The following LRRC7 variants were observed in gnomAD, a reference collection of about 807,000 sequenced individuals.
LRRC7 encodes leucine-rich repeat-containing protein 7.
Under a neutral mutation model 175.7 loss-of-function variants are expected in LRRC7, and 23 were observed. The observed-to-expected ratio is 0.13, with a 90% confidence interval of 0.09 to 0.19. The LOEUF is 0.19. Among genes scored for constraint, LRRC7 ranks in the 10% least tolerant of loss-of-function variants. LRRC7 has a pLI of 1.00. For missense variants in LRRC7, 1,354 were observed against 1,904.7 expected (o/e 0.71, Z 5.38); for synonymous variants, 685 against 680.9 (o/e 1.01, Z -0.09).
intron 1 of LRRC7, among the ~76,000 whole-genome samples, chr1:69,591,792 C>T (rs1027116630): frequency 6.6e-6 from 1 of 151,918 alleles, no homozygotes; most frequent in African/African-American, 2.4e-5. Flanking sequence ...ATTTTTTATT[C>T]TTATTAATGA....
At chr1:69,835,065 A>G (rs1213225788) in intron 6 of LRRC7, among the ~76,000 whole-genome samples, 196 bp downstream of exon 6, 1 of 151,972 alleles carries the variant, frequency 6.6e-6, no homozygotes, top group Non-Finnish European at 1.5e-5. Context: ...CATGACATTA[A>G]TAGTCAAATA....
At position 69,759,450 on chromosome 1, in the gene LRRC7, C is replaced by A. The variant is rs553858477; in HGVS notation, c.101-741C>A. Reference sequence around the variant, plus strand: ...ATTTCATGGCATTTGGTCAGTTTAACCTAGAGGAATAGGAGAAAGATGTGT... The same window carrying A: ...ATTTCATGGCATTTGGTCAGTTTAAACTAGAGGAATAGGAGAAAGATGTGT... On this transcript the variant is annotated intron_variant, in intron 2 of 26. Coordinates refer to ENST00000651989, the MANE Select transcript of LRRC7 (RefSeq NM_001370785.2). Among the ~76,000 whole-genome samples, 7 of 151,810 alleles carry A rather than the reference C, an allele frequency of 4.6e-5. No individual in the cohort carries two copies. The South Asian group carries it at 6.2e-4, about 13-fold the overall frequency.
At chr1:69,701,370 G>A (rs1023836467) in intron 2 of LRRC7, among the ~76,000 whole-genome samples, 9 of 152,036 alleles carry the variant, frequency 5.9e-5, no homozygotes, top group South Asian at 2.1e-4. Context: ...GTGGAAACAC[G>A]GACTGTGATC....
chr1:70,011,610 ATATT>A (rs1481838371), intron 11 of LRRC7, among the ~76,000 whole-genome samples, 183 bp from the exon 12 acceptor site: 1 of 152,184 alleles, frequency 6.6e-6, no homozygotes, highest in Non-Finnish European at 1.5e-5. Context: ...AAAGTAAACT[ATATT>A]TATTTTACCA....
At chr1:69,914,366 A>T (rs572681150) in intron 7 of LRRC7, among the ~76,000 whole-genome samples, 1 of 152,324 alleles carries the variant, frequency 6.6e-6, no homozygotes, top group South Asian at 2.1e-4. Context: ...TGACAGATGT[A>T]CCAAAATATT....
chr1:69,781,765 GAAAGAA>G (rs1205215919), intron 3 of LRRC7, among the ~76,000 whole-genome samples: 2 of 38,510 alleles, frequency 5.2e-5, no homozygotes, highest in African/African-American at 1.4e-4. Context: ...GAGAGAGAGA[GAAAGAA>G]AGAAAGAAAG....
intron 1 of LRRC7, among the ~76,000 whole-genome samples, chr1:69,627,795 G>A (rs1651839245): frequency 6.6e-6 from 1 of 151,774 alleles, no homozygotes; most frequent in African/African-American, 2.4e-5. Context: ...TGTTGTATAT[G>A]TTTTGGTTTC....
intron 1 of LRRC7, among the ~76,000 whole-genome samples, chr1:69,670,603 T>A (rs941095386): frequency 1.3e-5 from 2 of 152,154 alleles, no homozygotes; most frequent in East Asian, 3.9e-4. Flanking sequence ...TGGTGGCAAG[T>A]TCCCCCTGGC....
In LRRC7 at chr1:70,124,933, A is replaced by G. The variant is rs1666379635; in HGVS notation, c.*3046A>G. ...GAGAAACATTAGAGGTAGAAAGAGC[A>G]AGTGATGAAAATTACTAGTAAAATT... is the stretch of plus-strand genomic sequence containing the variant. On this transcript the variant is annotated 3_prime_UTR_variant, in exon 27 of 27. Transcript: ENST00000651989. 6.6e-6 allele frequency among the ~76,000 whole-genome samples: 1 copy of G among 152,220 alleles called. No homozygotes were observed. The highest frequency in any genetic ancestry group is 2.4e-5 in the African/African-American group (1 of 41,450).
chr1:69,746,596 A>G (rs1452912363), intron 2 of LRRC7, among the ~76,000 whole-genome samples: 7 of 152,134 alleles, frequency 4.6e-5, no homozygotes, highest in Non-Finnish European at 5.9e-5. Context: ...TTATCTGTAC[A>G]AAACAGAATT....
intron 23 of LRRC7, among the ~76,000 whole-genome samples, chr1:70,059,274 T>C (rs1571205641): frequency 1.3e-5 from 2 of 152,286 alleles, no homozygotes; most frequent in East Asian, 3.9e-4. Flanking sequence ...AGGGTCAATA[T>C]CAGGATGGAC....
In LRRC7 at chr1:70,076,213, C is replaced by A; in HGVS notation, c.4367C>A (p.Ser1456Tyr). 1 of 1,614,100 alleles carries A rather than the reference C, an allele frequency of 6.2e-7. No individual in the cohort carries two copies. The change falls in exon 24 of 27, where the codon TCT (serine) becomes TAT (tyrosine). Residue 1456 changes from serine to tyrosine, a missense_variant. Ser to Tyr is a moderately radical substitution (Grantham distance 144). Around this residue, in one of 4 missense-constraint regions of LRRC7, gnomAD observed 1,032 missense variants for 1,227.2 expected, o/e 0.84. Transcript: ENST00000651989. ...FQSPLPIQIP[S>Y]SQATRGPQPG... Reference sequence around the variant, plus strand: ...TCACCATTGCCTATTCAGATCCCCTCTTCACAGGCCACCCGGGGACCTCAG... The same window carrying A: ...TCACCATTGCCTATTCAGATCCCCTATTCACAGGCCACCCGGGGACCTCAG...
chr1:69,610,473 T>C (rs963450467), intron 1 of LRRC7, among the ~76,000 whole-genome samples: 1 of 152,050 alleles, frequency 6.6e-6, no homozygotes, highest in Non-Finnish European at 1.5e-5. Flanking sequence ...CCCCTTAGCC[T>C]GAAATTGATG....
chr1:70,013,187 A>T lies in LRRC7; in HGVS notation c.1250+98A>T, dbSNP rs542487176. 6 of 610,842 alleles carry T rather than the reference A, an allele frequency of 9.8e-6. No homozygotes were observed. In the South Asian group the frequency reaches 1.4e-4, roughly 14 times the overall value. 37.8% of individuals were successfully genotyped at this position (610,842 alleles called of 1,614,324 possible). A position where few individuals can be genotyped will look rare whatever the true frequency, so the allele number is the denominator to read the frequency against. On this transcript the variant is annotated intron_variant, in intron 13 of 26. Transcript: ENST00000651989. Reference sequence around the variant, plus strand: ...TTTTGATAACATTTTCTGCGTTTCGACATATACGGAATGCAAATACTGATA... The same window carrying T: ...TTTTGATAACATTTTCTGCGTTTCGTCATATACGGAATGCAAATACTGATA...
At chr1:69,931,688 A>C in intron 8 of LRRC7, 118 bp downstream of exon 8, 1 of 804,462 alleles carries the variant, frequency 1.2e-6, no homozygotes, top group Non-Finnish European at 2.0e-6. Flanking sequence ...TAAATGTAAA[A>C]GTAAAAACCT....
At chr1:69,976,505 A>G (rs1423189650) in intron 8 of LRRC7, among the ~76,000 whole-genome samples, 2 of 152,220 alleles carry the variant, frequency 1.3e-5, no homozygotes, top group South Asian at 2.1e-4. Flanking sequence ...CACCCCCAAG[A>G]TCAATACTTT....
chr1:69,643,775 G>T (rs1654592055), intron 1 of LRRC7, among the ~76,000 whole-genome samples: 1 of 151,928 alleles, frequency 6.6e-6, no homozygotes. Context: ...TTGTTTTGAG[G>T]CATCCTCCAC....
chr1:70,093,396 C>T lies in LRRC7; in HGVS notation c.4545+3577C>T, dbSNP rs74911262. ...ATTATTATTCCCCATTTTATTGAGG[C>T]CCAGAGGGGTTAATTAACTTGCCCA... On this transcript the variant is annotated intron_variant, in intron 25 of 26. Coordinates refer to ENST00000651989, the MANE Select transcript of LRRC7 (RefSeq NM_001370785.2). Among the ~76,000 whole-genome samples the T allele has an allele frequency of 3.5e-3, 536 of 152,126 alleles. 7 individuals carry two copies. Among genetic ancestry groups the T allele is most frequent in the African/African-American group, 0.012 (517 of 41,508 alleles).
chr1:70,031,658 C>T (rs562748869), intron 18 of LRRC7, among the ~76,000 whole-genome samples: 28 of 152,290 alleles, frequency 1.8e-4, no homozygotes, highest in Non-Finnish European at 3.2e-4. Flanking sequence ...ACCTGTTAAA[C>T]ACCACCTATC....
Sources: gnomAD v4.1 joint callset for allele counts (sites outside exome capture counted in the v4.1 genomes callset) on GRCh38, gnomAD v4.1.1 for gene constraint, gnomAD v4.1.1 regional missense constraint, MANE v1.5 for transcripts, NCBI Gene and HGNC (gene_info 2026-07-23, HGNC 2026-07-21) for gene names.